ZBTB20: variants seen among roughly 807,000 people sequenced by gnomAD.
The protein encoded by ZBTB20 is zinc finger and BTB domain containing 20.
In ZBTB20, 9 loss-of-function variants were observed where a neutral mutation model predicts 56.9. The observed-to-expected ratio is 0.16, with a 90% CI of 0.10 to 0.28. The LOEUF is 0.28. Among genes scored for constraint, ZBTB20 ranks in the 10% least tolerant of loss-of-function variants. The pLI is 1.00. For synonymous variants in ZBTB20, 417 were observed against 420.7 expected, an observed-to-expected ratio of 0.99 and a Z score of 0.11; for missense variants, 655 against 1,003.0, an observed-to-expected ratio of 0.65 and a Z score of 4.69.
At chr3:114,469,820 G>T (rs780968524) in intron 7 of ZBTB20, among the ~76,000 whole-genome samples, 3 of 152,030 alleles carry the variant, frequency 2.0e-5, no homozygotes, top group Non-Finnish European at 4.4e-5. Context: ...ATCACTAACT[G>T]CATGGACAGC....
intron 7 of ZBTB20, among the ~76,000 whole-genome samples, chr3:114,474,477 T>G (rs2040514525): frequency 6.6e-6 from 1 of 152,142 alleles, no homozygotes; most frequent in South Asian, 2.1e-4. Flanking sequence ...CTCCAAGTCT[T>G]TTTAAAAGCC....
intron 2 of ZBTB20, among the ~76,000 whole-genome samples, chr3:115,025,199 G>T (rs2080370781): frequency 6.6e-6 from 1 of 151,370 alleles, no homozygotes; most frequent in African/African-American, 2.4e-5. Context: ...TATGGTATTT[G>T]GTTTTTTGTT....
intron 5 of ZBTB20, chr3:114,758,785 TA>T (rs2068210896): frequency 6.6e-6 from 1 of 152,170 alleles, no homozygotes; most frequent in Admixed American, 6.6e-5. Flanking sequence ...TGAGCTCCAA[TA>T]AACAAGTTGA....
At chr3:114,630,213 C>G (rs1162050846) in intron 6 of ZBTB20, among the ~76,000 whole-genome samples, 1 of 152,088 alleles carries the variant, frequency 6.6e-6, no homozygotes, top group Non-Finnish European at 1.5e-5. Flanking sequence ...ATAGCATATC[C>G]AAGGAAGAGT....
intron 4 of ZBTB20, among the ~76,000 whole-genome samples, chr3:114,831,815 C>T (rs2073859710): frequency 6.6e-6 from 1 of 152,006 alleles, no homozygotes; most frequent in Non-Finnish European, 1.5e-5. Flanking sequence ...AGATCTTGGA[C>T]TTTATCTACC....
In ZBTB20 at chr3:114,753,353, T is replaced by TACATGTATG. The variant is rs1216239981; in HGVS notation, c.-343+47747_-343+47748insCATACATGT. On this transcript the variant is annotated intron_variant, in intron 5 of 11. Transcript: ENST00000675478. ...TATATATAATGTATATATGTATACATTATATATAATGTATATATAATGTAT... is the reference window on the plus strand; with the variant it reads ...TATATATAATGTATATATGTATACATACATGTATGTATATATAATGTATATATAATGTAT... Among the ~76,000 whole-genome samples the TACATGTATG allele has an allele frequency of 2.8e-5, 3 of 107,732 alleles. 1 individual carries two copies. The highest frequency in any genetic ancestry group is 2.0e-4 in the Admixed American group (2 of 9,824). 70.7% of individuals were successfully genotyped at this position (107,732 alleles called of 152,430 possible). A position where few individuals can be genotyped will look rare whatever the true frequency, so the allele number is the denominator to read the frequency against.
intron 2 of ZBTB20, among the ~76,000 whole-genome samples, chr3:114,983,812 A>G (rs1047746083): frequency 2.6e-5 from 4 of 152,044 alleles, no homozygotes; most frequent in Non-Finnish European, 4.4e-5. Flanking sequence ...AAATGCTTAG[A>G]AATTTTCCAT....
In ZBTB20 at chr3:114,475,223, A is replaced by G. The variant is rs369581502; in HGVS notation, c.-255+25129T>C. 2.0e-5 allele frequency among the ~76,000 whole-genome samples: 3 copies of G among 151,898 alleles called. No homozygotes were observed. In the East Asian group the frequency reaches 5.8e-4, roughly 29 times the overall value. On this transcript the variant is annotated intron_variant, in intron 7 of 11. Coordinates refer to ENST00000675478, the MANE Select transcript of ZBTB20 (RefSeq NM_001348800.3). ...TAATGTTCTTTCCTTCTATCTCTGT[A>G]TGCTCAAATCCTGCTTGTTTTTCAA...
chr3:114,416,416 T>C (rs534472055), intron 7 of ZBTB20, among the ~76,000 whole-genome samples: 1 of 151,974 alleles, frequency 6.6e-6, no homozygotes, highest in South Asian at 2.1e-4. Context: ...CCTTGGATCA[T>C]AAATATTCTC....
Position 115,040,589 on chromosome 3 carries a change from G to A in ZBTB20, c.-507+30630C>T, listed in dbSNP as rs146503141. On this transcript the variant is annotated intron_variant, in intron 2 of 11. Transcript: ENST00000675478. ...GCAAGAAATTTGGTAAAGCTGAAAT[G>A]TGAGGTATAAAGTATGGAAAGAGTG... Among the ~76,000 whole-genome samples, 327 of 152,270 alleles carry A rather than the reference G, an allele frequency of 2.1e-3. 2 individuals carry two copies. Among genetic ancestry groups the A allele is most frequent in the Admixed American group, 7.5e-3 (115 of 15,288 alleles).
In ZBTB20 at chr3:114,634,088, C is replaced by G. The variant is rs973393849; in HGVS notation, c.-295+59440G>C. Among the ~76,000 whole-genome samples, 3 of 152,182 alleles carry G rather than the reference C, an allele frequency of 2.0e-5. No homozygotes were observed. In the South Asian group the frequency reaches 6.2e-4, roughly 32 times the overall value. Reference sequence around the variant, plus strand: ...GTTGAATTGAAATGACAAATGAGATCGCACAATTTTAGAGCTCGAATTAAC... The same window carrying G: ...GTTGAATTGAAATGACAAATGAGATGGCACAATTTTAGAGCTCGAATTAAC... On this transcript the variant is annotated intron_variant, in intron 6 of 11. Transcript: ENST00000675478.
chr3:114,714,079 T>A (rs529042469), intron 5 of ZBTB20: 4 of 152,766 alleles, frequency 2.6e-5, no homozygotes, highest in African/African-American at 9.6e-5. Context: ...AATGTCACTC[T>A]AATATACTAC....
At chr3:114,999,979 A>G (rs747584064) in intron 2 of ZBTB20, among the ~76,000 whole-genome samples, 5 of 151,610 alleles carry the variant, frequency 3.3e-5, no homozygotes, top group Non-Finnish European at 7.4e-5. Flanking sequence ...GCAATGTTAT[A>G]TTTGTTTAAG....
At chr3:114,636,794 C>A (rs1464881379) in intron 6 of ZBTB20, among the ~76,000 whole-genome samples, 3 of 151,866 alleles carry the variant, frequency 2.0e-5, no homozygotes, top group Admixed American at 1.3e-4. Context: ...TTAAAAATGG[C>A]AGTAATAAGT....
intron 7 of ZBTB20, among the ~76,000 whole-genome samples, chr3:114,490,899 G>A (rs2042678365): frequency 6.6e-6 from 1 of 152,180 alleles, no homozygotes; most frequent in African/African-American, 2.4e-5. Context: ...GCAGAGGGAA[G>A]GAGCAGGCAT....
intron 6 of ZBTB20, among the ~76,000 whole-genome samples, chr3:114,682,235 A>T (rs968015309): frequency 1.3e-5 from 2 of 152,204 alleles, no homozygotes; most frequent in African/African-American, 4.8e-5. Flanking sequence ...AAGGGTATAT[A>T]TGCACAGGAA....
At chr3:114,566,411 C>A (rs1362444076) in intron 6 of ZBTB20, among the ~76,000 whole-genome samples, 1 of 152,096 alleles carries the variant, frequency 6.6e-6, no homozygotes, top group Non-Finnish European at 1.5e-5. Flanking sequence ...TTCCTTTATT[C>A]CCCCCAGTTG....
Position 114,954,417 on chromosome 3 carries a change from A to T in ZBTB20, c.-456+19949T>A, listed in dbSNP as rs183098091. Among the ~76,000 whole-genome samples the T allele has an allele frequency of 2.4e-3, 367 of 152,288 alleles. 1 individual carries two copies. The highest frequency in any genetic ancestry group is 4.5e-3 in the Non-Finnish European group (303 of 68,014). On this transcript the variant is annotated intron_variant, in intron 3 of 11. Coordinates refer to ENST00000675478, the MANE Select transcript of ZBTB20 (RefSeq NM_001348800.3). ...TTTTTACTACATATTAATCCTTAAA[A>T]GAAATCAGGTAATGAGTCTGAAATA...
chr3:114,586,208 G>A (rs948816038), intron 6 of ZBTB20, among the ~76,000 whole-genome samples: 1 of 152,206 alleles, frequency 6.6e-6, no homozygotes, highest in Non-Finnish European at 1.5e-5. Flanking sequence ...CCTGTGGTCA[G>A]TGTCACACAA....
Sources: allele counts gnomAD v4.1 joint callset (sites outside exome capture counted in the v4.1 genomes callset), GRCh38; gene constraint gnomAD v4.1.1; transcripts MANE v1.5; gene names NCBI Gene and HGNC (gene_info 2026-07-23, HGNC 2026-07-21).